FARP2: variants seen among roughly 807,000 people sequenced by gnomAD.
FARP2 encodes FERM, ARHGEF and pleckstrin domain-containing protein 2.
In FARP2, 111 loss-of-function variants were observed where a neutral mutation model predicts 130.5. The observed-to-expected ratio is 0.85, with a 90% CI of 0.73 to 1.00. FARP2 has a LOEUF of 1.00. Ranked by LOEUF, FARP2 falls within the 50% of genes least tolerant of loss-of-function variation. The probability of loss-of-function intolerance (pLI) is 0.00; values close to 1 mark genes in which losing one functional copy is unlikely to be tolerated. For missense variants in FARP2, 1,385 were observed against 1,346.3 expected (o/e 1.03, Z -0.45); for synonymous variants, 504 against 516.9 (o/e 0.98, Z 0.34).
intron 2 of FARP2, among the ~76,000 whole-genome samples, chr2:241,397,974 C>T (rs148485124): frequency 0.021 from 3,255 of 151,702 alleles, 109 homozygotes; most frequent in African/African-American, 0.068. Flanking sequence ...GGACTACAGG[C>T]GCCTGCCACC....
chr2:241,411,203 T>C (rs2062509452), intron 6 of FARP2, 73 bp downstream of exon 6: 1 of 1,012,012 alleles, frequency 9.9e-7, no homozygotes, highest in Admixed American at 2.0e-5. Context: ...GAACTACAAT[T>C]AGTTGCTGAT....
chr2:241,445,116 GA>G (rs2063482519), intron 13 of FARP2: 1 of 151,922 alleles, frequency 6.6e-6, no homozygotes, highest in South Asian at 2.1e-4. Flanking sequence ...AATTTTTGTG[GA>G]GACAGGTTCT....
chr2:241,456,677 T>C lies in FARP2; in HGVS notation c.1412-70T>C. On this transcript the variant is annotated intron_variant, in intron 13 of 26. Transcript: ENST00000264042. Reference sequence around the variant, plus strand: ...GGCGGTTGAATGGTCAGGAGAGTAGTAGCGGCTCTAAGCCAGCCTCACAGC... The same window carrying C: ...GGCGGTTGAATGGTCAGGAGAGTAGCAGCGGCTCTAAGCCAGCCTCACAGC... 6 of 1,499,734 alleles carry C rather than the reference T, an allele frequency of 4.0e-6. No homozygotes were observed. The South Asian group carries it at 6.9e-5, about 17-fold the overall frequency. The allele number at this position is 1,499,734 out of a possible 1,614,324, so 92.9% of individuals were successfully genotyped here.
intron 2 of FARP2, among the ~76,000 whole-genome samples, chr2:241,393,665 A>G (rs972263147): frequency 6.6e-6 from 1 of 152,210 alleles, no homozygotes; most frequent in African/African-American, 2.4e-5. Flanking sequence ...GAGCACATGA[A>G]ACAAGTTAAA....
At chr2:241,467,825 A>T (rs2064212193) in intron 17 of FARP2, among the ~76,000 whole-genome samples, 1 of 152,158 alleles carries the variant, frequency 6.6e-6, no homozygotes, top group African/African-American at 2.4e-5. Flanking sequence ...AGCCAGCTGC[A>T]GCCTTCCCAT....
At chr2:241,434,816 A>G (rs1196817533) in intron 10 of FARP2, 146 bp from the exon 11 acceptor site, 2 of 598,304 alleles carry the variant, frequency 3.3e-6, no homozygotes, top group South Asian at 4.2e-5. Flanking sequence ...ACCCTGGGCA[A>G]TAGAGCGAGA....
chr2:241,474,321 A>C (rs2064397217), intron 18 of FARP2, among the ~76,000 whole-genome samples: 1 of 18,858 alleles, frequency 5.3e-5, no homozygotes, highest in Non-Finnish European at 1.2e-4. Context: ...CCGTCTCAAA[A>C]AAAAAAAAAA....
chr2:241,477,364 G>GA (rs1217087000), intron 19 of FARP2, among the ~76,000 whole-genome samples: 1 of 152,070 alleles, frequency 6.6e-6, no homozygotes, highest in East Asian at 1.9e-4. Flanking sequence ...TCTTGACCTT[G>GA]TGATCCACCC....
At chr2:241,356,638 A>G (rs1316333240) in intron 1 of FARP2, among the ~76,000 whole-genome samples, 16 of 151,768 alleles carry the variant, frequency 1.1e-4, no homozygotes, top group Non-Finnish European at 8.8e-5. Context: ...TGGGCCGGGG[A>G]GTGGCCCGCG....
intron 6 of FARP2, among the ~76,000 whole-genome samples, chr2:241,411,367 G>T (rs529307670): frequency 1.3e-5 from 2 of 152,328 alleles, no homozygotes; most frequent in East Asian, 1.9e-4. Context: ...CTGTAGCCAC[G>T]TTCCTTCTTT....
At chr2:241,492,727 T>C (rs4075818) in intron 24 of FARP2, 68,913 of 541,602 alleles carry the variant, frequency 0.13, 4,920 homozygotes, top group Non-Finnish European at 0.15. Flanking sequence ...CTTTACTTGG[T>C]GCCTGGAATG....
chr2:241,381,134 G>A (rs570324570), intron 2 of FARP2, among the ~76,000 whole-genome samples: 1 of 152,148 alleles, frequency 6.6e-6, no homozygotes, highest in Admixed American at 6.5e-5. Context: ...TGTTCTCTGT[G>A]TCCGTTTCCC....
intron 2 of FARP2, among the ~76,000 whole-genome samples, chr2:241,402,836 T>TTATATATA (rs1215612816): frequency 4.2e-3 from 70 of 16,780 alleles, no homozygotes; most frequent in Non-Finnish European, 5.1e-3. Flanking sequence ...CCCAGCTAAT[T>TTATATATA]TATATATATA....
chr2:241,376,394 A>AT (rs1211389731), intron 2 of FARP2, among the ~76,000 whole-genome samples: 1 of 152,202 alleles, frequency 6.6e-6, no homozygotes, highest in African/African-American at 2.4e-5. Context: ...ATTGGTGAGC[A>AT]TTTTTTGTAA....
chr2:241,448,307 A>G (rs1371396085), intron 13 of FARP2, among the ~76,000 whole-genome samples: 1 of 152,240 alleles, frequency 6.6e-6, no homozygotes, highest in Non-Finnish European at 1.5e-5. Context: ...CTAAATCCTG[A>G]TTTCAAGAAA....
chr2:241,484,652 G>A (rs1436873636), intron 21 of FARP2, among the ~76,000 whole-genome samples: 1 of 152,238 alleles, frequency 6.6e-6, no homozygotes, highest in Non-Finnish European at 1.5e-5. Flanking sequence ...GTCAGCCTCT[G>A]CAGCAGCATC....
At chr2:241,402,648 A>G (rs1038172950) in intron 2 of FARP2, among the ~76,000 whole-genome samples, 1 of 151,080 alleles carries the variant, frequency 6.6e-6, no homozygotes, top group Admixed American at 6.6e-5. Context: ...GTAATGTACA[A>G]TAAAACTCTA....
At chr2:241,419,547 C>T (rs932146576) in intron 8 of FARP2, among the ~76,000 whole-genome samples, 2 of 152,032 alleles carry the variant, frequency 1.3e-5, no homozygotes, top group Admixed American at 6.6e-5. Flanking sequence ...CATTTAAATC[C>T]GTAAGAACAA....
chr2:241,408,492 G>A (rs80085676), intron 5 of FARP2, among the ~76,000 whole-genome samples: 15,074 of 151,272 alleles, frequency 0.1, 820 homozygotes, highest in Middle Eastern at 0.12. Flanking sequence ...GCAGTGAGCC[G>A]AGATTGGCAT....
Sources: allele counts gnomAD v4.1 joint callset (sites outside exome capture counted in the v4.1 genomes callset), GRCh38; gene constraint gnomAD v4.1.1; transcripts MANE v1.5; gene names NCBI Gene and HGNC (gene_info 2026-07-23, HGNC 2026-07-21).